The following VTI1A variants were observed in gnomAD, a reference collection of about 807,000 sequenced individuals.
VTI1A encodes the protein vesicle transport through interaction with t-SNAREs homolog 1A.
Under a neutral mutation model 34.9 loss-of-function variants are expected in VTI1A, and 22 were observed. The observed-to-expected ratio is 0.63, with a 90% CI of 0.45 to 0.90. The LOEUF is 0.90. VTI1A is among the 40% of genes least tolerant of loss of function. VTI1A has a pLI of 0.00. For synonymous variants in VTI1A, 87 were observed against 97.3 expected, an observed-to-expected ratio of 0.89 and a Z score of 0.62; for missense variants, 268 against 275.6, an observed-to-expected ratio of 0.97 and a Z score of 0.20.
chr10:112,689,389 T>C (rs1564884846), intron 7 of VTI1A, among the ~76,000 whole-genome samples: 2 of 152,176 alleles, frequency 1.3e-5, no homozygotes, highest in Non-Finnish European at 2.9e-5. Context: ...CACAAAGCAC[T>C]GAGGGGCAGC....
intron 7 of VTI1A, among the ~76,000 whole-genome samples, chr10:112,730,714 C>T (rs903967048): frequency 1.3e-5 from 2 of 151,902 alleles, no homozygotes; most frequent in African/African-American, 4.8e-5. Flanking sequence ...GTTTATTCAA[C>T]CACCGTATAA....
chr10:112,581,259 GA>G (rs1843924550), intron 5 of VTI1A, among the ~76,000 whole-genome samples: 1 of 152,172 alleles, frequency 6.6e-6, no homozygotes, highest in African/African-American at 2.4e-5. Flanking sequence ...TCAGAGTCCT[GA>G]TAACTCCTCC....
At chr10:112,533,643 T>C in intron 4 of VTI1A, 1 of 796,214 alleles carries the variant, frequency 1.3e-6, no homozygotes, top group Non-Finnish European at 1.5e-6. Flanking sequence ...GGATTTGTTT[T>C]TCCAGGTAAA....
intron 7 of VTI1A, among the ~76,000 whole-genome samples, chr10:112,811,970 C>T (rs1446486520): frequency 1.3e-5 from 2 of 152,206 alleles, no homozygotes; most frequent in East Asian, 3.9e-4. Flanking sequence ...TCAGTACTTT[C>T]AATAGTACTT....
At chr10:112,591,451 C>T (rs543815998) in intron 5 of VTI1A, among the ~76,000 whole-genome samples, 3 of 152,138 alleles carry the variant, frequency 2.0e-5, no homozygotes, top group Non-Finnish European at 2.9e-5. Context: ...ACCCAGGAGG[C>T]GGAGCTTGCA....
At chr10:112,587,539 GGC>G (rs913244002) in intron 5 of VTI1A, among the ~76,000 whole-genome samples, 1 of 152,042 alleles carries the variant, frequency 6.6e-6, no homozygotes, top group African/African-American at 2.4e-5. Flanking sequence ...AAGACCAAAT[GGC>G]TATGTTAAAC....
chr10:112,762,755 T>C (rs1308698705), intron 7 of VTI1A, among the ~76,000 whole-genome samples: 1 of 152,088 alleles, frequency 6.6e-6, no homozygotes, highest in Non-Finnish European at 1.5e-5. Context: ...AAATGAACAT[T>C]TTCACTTGAA....
the VTI1A span, among the ~76,000 whole-genome samples, chr10:112,838,434 T>C: frequency 1.3e-5 from 2 of 152,262 alleles, no homozygotes; most frequent in Non-Finnish European, 2.9e-5. Context: ...CTTATTGAGC[T>C]GCACATTATG....
chr10:112,759,683 T>A (rs1196452653), intron 7 of VTI1A, among the ~76,000 whole-genome samples: 1 of 152,142 alleles, frequency 6.6e-6, no homozygotes, highest in Non-Finnish European at 1.5e-5. Flanking sequence ...GAATTCCGTT[T>A]TATTGGTTCA....
intron 7 of VTI1A, among the ~76,000 whole-genome samples, chr10:112,748,029 C>T (rs998735073): frequency 6.6e-6 from 1 of 152,008 alleles, no homozygotes; most frequent in Non-Finnish European, 1.5e-5. Flanking sequence ...AATGTGTGCT[C>T]CAACCCCTCA....
At chr10:112,552,710 C>T (rs1055346632) in intron 5 of VTI1A, among the ~76,000 whole-genome samples, 3 of 152,076 alleles carry the variant, frequency 2.0e-5, no homozygotes, top group East Asian at 3.9e-4. Flanking sequence ...TTTCTTACTA[C>T]AATGAATCCC....
chr10:112,761,107 C>T (rs1401618171), intron 7 of VTI1A, among the ~76,000 whole-genome samples: 1 of 152,106 alleles, frequency 6.6e-6, no homozygotes, highest in African/African-American at 2.4e-5. Context: ...CTTACTCAGG[C>T]TCATGCATAC....
In VTI1A at chr10:112,784,498, G is replaced by A. The variant is rs568272789; in HGVS notation, c.561-30792G>A. Among the ~76,000 whole-genome samples, 166 of 152,302 alleles carry A rather than the reference G, an allele frequency of 1.1e-3. 9 individuals carry two copies. The South Asian group carries it at 0.034, about 31-fold the overall frequency. On this transcript the variant is annotated intron_variant, in intron 7 of 7. Transcript: ENST00000393077. ...GATAACATAAATATATTTGCAGCAT[G>A]TTGACAAACTCATTTGGAGTAAACA...
intron 5 of VTI1A, among the ~76,000 whole-genome samples, chr10:112,621,163 C>T (rs139549498): frequency 6.2e-4 from 95 of 152,264 alleles, no homozygotes; most frequent in African/African-American, 2.2e-3. Flanking sequence ...GGACTTACAG[C>T]GTTGTTTCCT....
intron 5 of VTI1A, among the ~76,000 whole-genome samples, chr10:112,578,423 A>G (rs192523803): frequency 6.6e-6 from 1 of 152,338 alleles, no homozygotes. Flanking sequence ...AAGGAAAATC[A>G]GGAGGAAGAA....
rs1277805502 is a variant in VTI1A, at chr10:112,613,054, C to G, written c.428-55164C>G. On this transcript the variant is annotated intron_variant, in intron 5 of 7. Transcript: ENST00000393077. ...GATACTAATTTTCTCAATGTTAATA[C>G]TTATTCAACAGAGTGAATAAATATT... Among the ~76,000 whole-genome samples the G allele has an allele frequency of 3.3e-5, 5 of 151,976 alleles. No homozygotes were observed. In the East Asian group the frequency reaches 9.6e-4, roughly 29 times the overall value.
chr10:112,839,865 A>G, the VTI1A span, among the ~76,000 whole-genome samples: 1 of 152,198 alleles, frequency 6.6e-6, no homozygotes, highest in Non-Finnish European at 1.5e-5. Flanking sequence ...GGGATAGAGG[A>G]TGAGTGGTGA....
At chr10:112,673,820 T>C (rs1455371015) in intron 7 of VTI1A, among the ~76,000 whole-genome samples, 1 of 152,172 alleles carries the variant, frequency 6.6e-6, no homozygotes, top group African/African-American at 2.4e-5. Context: ...TTCCTAAGAG[T>C]AAATAGACCA....
At chr10:112,736,110 T>TATATATATATA (rs1850451235) in intron 7 of VTI1A, among the ~76,000 whole-genome samples, 1 of 99,774 alleles carries the variant, frequency 1.0e-5, no homozygotes, top group Non-Finnish European at 2.1e-5. Context: ...TATGTGTGTG[T>TATATATATATA]GTATATATAT....
Sources: gnomAD v4.1 joint callset for allele counts (sites outside exome capture counted in the v4.1 genomes callset) on GRCh38, gnomAD v4.1.1 for gene constraint, MANE v1.5 for transcripts, NCBI Gene and HGNC (gene_info 2026-07-23, HGNC 2026-07-21) for gene names.